Variants in ADAMTS17 observed in about 807,000 individuals in gnomAD.
ADAMTS17 encodes ADAM metallopeptidase with thrombospondin type 1 motif 17, also known as A disintegrin and metalloproteinase with thrombospondin motifs 17.
ADAMTS17 carries 113 observed loss-of-function variants against 141.5 expected under a neutral mutation model. The observed-to-expected ratio is 0.80, with a 90% CI of 0.69 to 0.93. The LOEUF (loss-of-function observed/expected upper bound fraction) is 0.93. Among genes scored for constraint, ADAMTS17 ranks in the 40% least tolerant of loss-of-function variants. ADAMTS17 has a pLI of 0.00. For synonymous variants in ADAMTS17, 768 were observed against 630.6 expected (o/e 1.22, Z -3.27); for missense variants, 1,659 against 1,517.9 (o/e 1.09, Z -1.54).
chr15:100,230,419 T>C (rs1323202152), intron 7 of ADAMTS17, among the ~76,000 whole-genome samples: 1 of 152,194 alleles, frequency 6.6e-6, no homozygotes, highest in Non-Finnish European at 1.5e-5. Context: ...AAGTCATCCA[T>C]GCCATAGACA....
chr15:100,289,586 T>C (rs1421603591), intron 3 of ADAMTS17, among the ~76,000 whole-genome samples: 1 of 151,720 alleles, frequency 6.6e-6, no homozygotes, highest in East Asian at 1.9e-4. Context: ...AAGGCCAATG[T>C]CCTTGATGAA....
chr15:100,242,011 G>A (rs974582872), intron 7 of ADAMTS17, among the ~76,000 whole-genome samples: 1 of 152,138 alleles, frequency 6.6e-6, no homozygotes, highest in Non-Finnish European at 1.5e-5. Context: ...TAGAAATTGA[G>A]GTTAAAAACT....
chr15:100,242,702 G>A (rs1329482883), intron 7 of ADAMTS17, among the ~76,000 whole-genome samples: 2 of 152,018 alleles, frequency 1.3e-5, no homozygotes, highest in Non-Finnish European at 2.9e-5. Flanking sequence ...TCCTTTGCTG[G>A]GCATTGTCCT....
intron 20 of ADAMTS17, among the ~76,000 whole-genome samples, chr15:99,991,250 A>G (rs1189904927): frequency 3.3e-5 from 5 of 152,192 alleles, no homozygotes; most frequent in Non-Finnish European, 7.3e-5. Flanking sequence ...CAGAATGGGA[A>G]AAAATTTTGC....
chr15:100,047,282 C>CGGTCCTGT (rs1182123025), intron 18 of ADAMTS17, among the ~76,000 whole-genome samples: 3 of 107,384 alleles, frequency 2.8e-5, no homozygotes, highest in Non-Finnish European at 5.5e-5. Context: ...TTTTTCGCCC[C>CGGTCCTGT]GGTCCTGTGG....
chr15:100,222,825 G>A (rs2042175820), intron 7 of ADAMTS17, among the ~76,000 whole-genome samples: 1 of 152,216 alleles, frequency 6.6e-6, no homozygotes. Context: ...CAGAGTAAGA[G>A]TGACCAACTC....
Position 100,019,500 on chromosome 15 carries a change from A to G in ADAMTS17, c.2592-21911T>C, listed in dbSNP as rs191456631. 1.4e-3 allele frequency among the ~76,000 whole-genome samples: 217 copies of G among 152,354 alleles called. 1 individual carries two copies. The highest frequency in any genetic ancestry group is 5.0e-3 in the African/African-American group (207 of 41,586). On this transcript the variant is annotated intron_variant, in intron 18 of 21. Coordinates refer to ENST00000268070, the MANE Select transcript of ADAMTS17 (RefSeq NM_139057.4). ...AAAAATACTTACAGAAGCTATAGTC[A>G]GGCTGGTATGTACTAACTGACCTTG...
At chr15:100,274,164 G>T (rs1016508420) in intron 4 of ADAMTS17, among the ~76,000 whole-genome samples, 6 of 152,152 alleles carry the variant, frequency 3.9e-5, no homozygotes, top group Non-Finnish European at 7.4e-5. Flanking sequence ...TTGTTGTTGG[G>T]TAGAGTGTTC....
At position 100,330,908 on chromosome 15, in the gene ADAMTS17, C is replaced by T. The variant is rs2046031535; in HGVS notation, c.597G>A (p.Gln199=). The stretch of plus-strand genomic sequence containing the variant: ...ACTCACCTGTTAGAACCTTGCAGAG[C>T]TGCTCAGGTCTCTGGGCCTCAGCAG... The part of the protein sequence containing the change: ...SPSAEAQRPE[Q]LCKVLTEKKK... The change falls in exon 3 of 22, where the codon CAG becomes CAA. Residue 199 remains glutamine, a synonymous_variant. Transcript: ENST00000268070. 1 of 1,614,176 alleles carries T rather than the reference C, an allele frequency of 6.2e-7. No homozygotes were observed. Among genetic ancestry groups the T allele is most frequent in the African/African-American group, 1.3e-5 (1 of 75,054 alleles).
intron 17 of ADAMTS17, among the ~76,000 whole-genome samples, chr15:100,050,305 T>A (rs1167695981): frequency 6.6e-6 from 1 of 152,170 alleles, no homozygotes; most frequent in East Asian, 1.9e-4. Flanking sequence ...TGGGCTATGC[T>A]TAGTTTGTAA....
intron 7 of ADAMTS17, among the ~76,000 whole-genome samples, chr15:100,216,897 T>G (rs1306628240): frequency 2.6e-5 from 4 of 152,234 alleles, no homozygotes; most frequent in African/African-American, 9.6e-5. Context: ...AATGCACTTC[T>G]TGGAAACATC....
chr15:100,265,561 A>C (rs1320289424), intron 4 of ADAMTS17, among the ~76,000 whole-genome samples: 1 of 152,272 alleles, frequency 6.6e-6, no homozygotes, highest in East Asian at 1.9e-4. Context: ...CTGGCTAGGC[A>C]ATGTAGGGAC....
intron 15 of ADAMTS17, among the ~76,000 whole-genome samples, chr15:100,071,621 C>T (rs148603068): frequency 0.058 from 8,642 of 150,236 alleles, 734 homozygotes; most frequent in South Asian, 0.12. Flanking sequence ...AATCAATAAA[C>T]GTAATCCATC....
At chr15:100,127,839 C>A (rs889084812) in intron 12 of ADAMTS17, among the ~76,000 whole-genome samples, 1 of 152,166 alleles carries the variant, frequency 6.6e-6, no homozygotes, top group African/African-American at 2.4e-5. Flanking sequence ...GCCTCAGAAT[C>A]CCAAAGTGCT....
chr15:100,205,874 CCG>C (rs2041529419), intron 7 of ADAMTS17, among the ~76,000 whole-genome samples: 1 of 152,168 alleles, frequency 6.6e-6, no homozygotes, highest in Non-Finnish European at 1.5e-5. Flanking sequence ...AGGGTGGGCG[CCG>C]CGGTCTCTGA....
chr15:100,187,594 G>A lies in ADAMTS17; in HGVS notation c.1181+11724C>T, dbSNP rs117680687. Among the ~76,000 whole-genome samples the A allele has an allele frequency of 7.7e-3, 1,174 of 152,266 alleles. 12 individuals carry two copies. Among genetic ancestry groups the A allele is most frequent in the Middle Eastern group, 0.031 (9 of 294 alleles). ...AGAAGTTTCCACCCAGCATTTGAACGTTGCTCTGGTCTTCCAGGCCATGGG... is the reference window on the plus strand; with the variant it reads ...AGAAGTTTCCACCCAGCATTTGAACATTGCTCTGGTCTTCCAGGCCATGGG... On this transcript the variant is annotated intron_variant, in intron 8 of 21. Transcript: ENST00000268070.
chr15:100,283,461 T>C (rs146936813), intron 3 of ADAMTS17, among the ~76,000 whole-genome samples: 2 of 152,294 alleles, frequency 1.3e-5, no homozygotes, highest in African/African-American at 4.8e-5. Flanking sequence ...GCAGAGCTGA[T>C]GGGCCACCCA....
At position 100,027,947 on chromosome 15, in the gene ADAMTS17, T is replaced by G. The variant is rs555863144; in HGVS notation, c.2591+20910A>C. Among the ~76,000 whole-genome samples, 181 of 152,220 alleles carry G rather than the reference T, an allele frequency of 1.2e-3. 3 individuals carry two copies. In the South Asian group the frequency reaches 0.02, roughly 17 times the overall value. ...TCCTACCACTTGATAGCCACACATT[T>G]CTGTGGAGTCTCCTGACCCCATGGC... On this transcript the variant is annotated intron_variant, in intron 18 of 21. Transcript: ENST00000268070.
chr15:100,004,240 C>T (rs773914120), intron 18 of ADAMTS17, among the ~76,000 whole-genome samples: 7 of 152,216 alleles, frequency 4.6e-5, no homozygotes, highest in South Asian at 2.1e-4. Context: ...CACTCCGCAG[C>T]GTATTTTAGC....
Sources: allele counts gnomAD v4.1 joint callset (sites outside exome capture counted in the v4.1 genomes callset), GRCh38; gene constraint gnomAD v4.1.1; transcripts MANE v1.5; gene names NCBI Gene and HGNC (gene_info 2026-07-23, HGNC 2026-07-21).